Variants in BICRA observed in about 807,000 individuals in gnomAD.
BICRA encodes the protein BRD4 interacting chromatin remodeling complex associated protein.
In BICRA, 31 loss-of-function variants were observed where a neutral mutation model predicts 96.9. The observed-to-expected ratio is 0.32, with a 90% confidence interval of 0.24 to 0.43. The LOEUF is 0.43. Ranked by LOEUF, BICRA falls within the 20% of genes least tolerant of loss-of-function variation. The pLI is 1.00. For synonymous variants in BICRA, 1,350 were observed against 1,071.8 expected, an observed-to-expected ratio of 1.26 and a Z score of -5.07; for missense variants, 2,283 against 2,190.3, an observed-to-expected ratio of 1.04 and a Z score of -0.84.
At chr19:47,617,463 C>T (rs1156886205) in intron 1 of BICRA, among the ~76,000 whole-genome samples, 1 of 151,964 alleles carries the variant, frequency 6.6e-6, no homozygotes, top group East Asian at 1.9e-4. Context: ...TCCCAGGCTC[C>T]AGCAGTTCTC....
At chr19:47,610,801 G>GC (rs1334807277) in intron 1 of BICRA, among the ~76,000 whole-genome samples, 1 of 151,990 alleles carries the variant, frequency 6.6e-6, no homozygotes, top group Non-Finnish European at 1.5e-5. Flanking sequence ...GGTGTGGGGG[G>GC]TATTGTCAAC....
At chr19:47,611,788 T>G (rs1218689229) in intron 1 of BICRA, among the ~76,000 whole-genome samples, 2 of 152,090 alleles carry the variant, frequency 1.3e-5, no homozygotes, top group Non-Finnish European at 2.9e-5. Flanking sequence ...AAAAGTATTA[T>G]CCAAACGTGT....
Position 47,698,293 on chromosome 19 carries a change from C to T in BICRA, c.3249-341C>T, listed in dbSNP as rs1973379689. On this transcript the variant is annotated intron_variant, in intron 11 of 14. Coordinates refer to ENST00000594866, the MANE Select transcript of BICRA (RefSeq NM_001394372.1). The surrounding 1 kb of genome is among the most constrained non-coding windows in gnomAD (Gnocchi z 4.8). ...AGGCACGGTGGAGCCACACTGGCCC[C>T]AGGTGGCAGGAGGCAGAATAGCAGC... 6.6e-6 allele frequency among the ~76,000 whole-genome samples: 1 copy of T among 152,158 alleles called. No homozygotes were observed. The highest frequency in any genetic ancestry group is 1.5e-5 in the Non-Finnish European group (1 of 68,022).
At position 47,701,362 on chromosome 19, in the gene BICRA, C is replaced by T; in HGVS notation, c.3630C>T (p.Leu1210=). Residue 1210 remains leucine (L), a synonymous_variant, in exon 15 of 15, where the codon CTC becomes CTT. Coordinates refer to ENST00000594866, the MANE Select transcript of BICRA (RefSeq NM_001394372.1). The surrounding 1 kb of genome is among the most constrained non-coding windows in gnomAD (Gnocchi z 5.4). ...TGTCTTCCTCCCGCTCGCTCGGCCT[C>T]CCCATCGCAGCCTCTTCCGAGGGTC... ...EYVSSSRSLG[L]PIAASSEGHR... is the part of the protein sequence containing the mutation. 6.2e-7 allele frequency: 1 copy of T among 1,611,684 alleles called. No homozygotes were observed. Among genetic ancestry groups the T allele is most frequent in the South Asian group, 1.1e-5 (1 of 90,924 alleles).
chr19:47,702,031 G>C lies in BICRA; in HGVS notation c.4299G>C (p.Ala1433=). ...EATSGLIREL[A]AVEDELYQRM... ...CCAGCGGGCTCATCCGCGAGCTGGCGGCCGTGGAGGACGAGCTGTACCAGC... is the reference window on the plus strand; with the variant it reads ...CCAGCGGGCTCATCCGCGAGCTGGCCGCCGTGGAGGACGAGCTGTACCAGC... The change falls in exon 15 of 15, where the codon GCG becomes GCC. Residue 1433 remains alanine (A), a synonymous_variant. Transcript: ENST00000594866. 6.7e-7 allele frequency: 1 copy of C among 1,489,360 alleles called. No individual in the cohort carries two copies. The highest frequency in any genetic ancestry group is 1.3e-5 in the South Asian group (1 of 78,884). 92.3% of individuals were successfully genotyped at this position (1,489,360 alleles called of 1,614,324 possible).
chr19:47,652,842 C>T (rs1175939861), intron 1 of BICRA, among the ~76,000 whole-genome samples: 4 of 151,958 alleles, frequency 2.6e-5, no homozygotes, highest in Non-Finnish European at 5.9e-5. Context: ...TCATATACAC[C>T]CTTCCTGAAG....
intron 1 of BICRA, among the ~76,000 whole-genome samples, chr19:47,628,545 G>A (rs1000553989): frequency 1.3e-5 from 2 of 152,202 alleles, no homozygotes; most frequent in African/African-American, 4.8e-5. Context: ...ATGGAAAAAA[G>A]TCATATAACA....
intron 1 of BICRA, among the ~76,000 whole-genome samples, chr19:47,645,503 G>A (rs770080212): frequency 6.6e-6 from 1 of 152,024 alleles, no homozygotes; most frequent in Non-Finnish European, 1.5e-5. Flanking sequence ...TCATAATATT[G>A]GGGTCATATA....
chr19:47,644,281 T>C (rs1972425457), intron 1 of BICRA, among the ~76,000 whole-genome samples: 1 of 152,058 alleles, frequency 6.6e-6, no homozygotes, highest in Non-Finnish European at 1.5e-5. Flanking sequence ...TGCCTCAGGC[T>C]CCCACGGTGT....
chr19:47,641,216 G>A (rs1045478947), intron 1 of BICRA, among the ~76,000 whole-genome samples: 1 of 151,114 alleles, frequency 6.6e-6, no homozygotes, highest in Admixed American at 6.6e-5. Context: ...CACCGCACCT[G>A]GCCAGTTTTT....
chr19:47,697,524 C>T (rs1973366562), intron 11 of BICRA, among the ~76,000 whole-genome samples: 1 of 151,784 alleles, frequency 6.6e-6, no homozygotes, highest in Non-Finnish European at 1.5e-5. Flanking sequence ...GTCACCCAGG[C>T]TGGAGTGCAG....
Position 47,698,586 on chromosome 19 carries a change from T to TACCCCCCCCCC in BICRA, c.3249-48_3249-47insACCCCCCCCCC. Reference sequence around the variant, plus strand: ...AGGGACTTCCCCTGGCCCTCACCCGTCCCCCCCACCCTCCGCCGTGTGTGG... The same window carrying TACCCCCCCCCC: ...AGGGACTTCCCCTGGCCCTCACCCGTACCCCCCCCCCCCCCCCCACCCTCCGCCGTGTGTGG... On this transcript the variant is annotated intron_variant, in intron 11 of 14. Transcript: ENST00000594866. The surrounding 1 kb of genome is among the most constrained non-coding windows in gnomAD (Gnocchi z 4.8). 2.0e-5 allele frequency: 14 copies of TACCCCCCCCCC among 716,614 alleles called. No homozygotes were observed. The highest frequency in any genetic ancestry group is 5.7e-5 in the East Asian group (2 of 34,884). 44.4% of individuals were successfully genotyped at this position (716,614 alleles called of 1,614,324 possible).
At chr19:47,691,024 C>A (rs1973233747) in intron 7 of BICRA, among the ~76,000 whole-genome samples, 2 of 152,152 alleles carry the variant, frequency 1.3e-5, no homozygotes, top group Non-Finnish European at 1.5e-5. Context: ...AGCAAGTATT[C>A]ACGTGTCTCA....
chr19:47,634,405 C>T (rs548333072), intron 1 of BICRA, among the ~76,000 whole-genome samples: 6 of 152,246 alleles, frequency 3.9e-5, no homozygotes, highest in South Asian at 2.1e-4. Flanking sequence ...GGAAGGAGGC[C>T]GAGCCTTGAA....
intron 1 of BICRA, among the ~76,000 whole-genome samples, chr19:47,612,420 A>T (rs377635158): frequency 1.3e-5 from 2 of 151,982 alleles, no homozygotes; most frequent in African/African-American, 2.4e-5. Flanking sequence ...TCTCAAAAAA[A>T]AAAAATAAAT....
intron 1 of BICRA, among the ~76,000 whole-genome samples, chr19:47,622,778 G>A (rs1307474416): frequency 6.7e-6 from 1 of 149,486 alleles, no homozygotes; most frequent in Non-Finnish European, 1.5e-5. Context: ...GGTGGCTCAT[G>A]CCTGTAATCC....
At chr19:47,631,633 G>A (rs1972223418) in intron 1 of BICRA, among the ~76,000 whole-genome samples, 1 of 152,030 alleles carries the variant, frequency 6.6e-6, no homozygotes, top group African/African-American at 2.4e-5. Flanking sequence ...CCAAAGTTCC[G>A]GGATTACAGA....
rs1973193531 is a variant in BICRA at position 47,688,599 on chromosome 19, G to A, written c.2284-5516G>A. The stretch of plus-strand genomic sequence containing the variant: ...AGGTCAAGATATCGAGACCATCCTG[G>A]CCAACATGGTGAAACCCCGTCTCTA... On this transcript the variant is annotated intron_variant, in intron 7 of 14. Transcript: ENST00000594866. Among the ~76,000 whole-genome samples the A allele has an allele frequency of 1.3e-5, 2 of 151,876 alleles. 1 individual carries two copies. Among genetic ancestry groups the A allele is most frequent in the African/African-American group, 4.8e-5 (2 of 41,356 alleles).
chr19:47,698,792 C>A lies in BICRA; in HGVS notation c.3397+10C>A. 1 of 1,589,370 alleles carries A rather than the reference C, an allele frequency of 6.3e-7. No homozygotes were observed. The highest frequency in any genetic ancestry group is 8.6e-7 in the Non-Finnish European group (1 of 1,166,304). On this transcript the variant is annotated intron_variant, in intron 12 of 14. Coordinates refer to ENST00000594866, the MANE Select transcript of BICRA (RefSeq NM_001394372.1). The surrounding 1 kb of genome is among the most constrained non-coding windows in gnomAD (Gnocchi z 4.8). ...AGTGACTACCACAAAGGTGAGGCCT[C>A]CCCAGGACACGGCCCTATATGTCCC...
Sources: allele counts gnomAD v4.1 joint callset (sites outside exome capture counted in the v4.1 genomes callset), GRCh38; gene constraint gnomAD v4.1.1; non-coding constraint Gnocchi (gnomAD v3.1); transcripts MANE v1.5; gene names NCBI Gene and HGNC (gene_info 2026-07-23, HGNC 2026-07-21).